Variants in CTNNA3 observed in about 807,000 individuals in gnomAD.
The protein encoded by CTNNA3 is catenin alpha-3.
A neutral mutation model predicts 95.7 loss-of-function variants in CTNNA3; 76 were observed. The observed-to-expected ratio is 0.79, with a 90% CI of 0.66 to 0.96. CTNNA3 has a LOEUF of 0.96. CTNNA3 is among the 40% of genes least tolerant of loss of function. CTNNA3 has a pLI of 0.00. For synonymous variants in CTNNA3, 431 were observed against 374.4 expected, an observed-to-expected ratio of 1.15 and a Z score of -1.74; for missense variants, 1,191 against 1,089.8, an observed-to-expected ratio of 1.09 and a Z score of -1.31.
rs1460976033 is a variant in CTNNA3, at chr10:66,845,719, A to ATAAATAAAT, written c.1048-70196_1048-70195insATTTATTTA. On this transcript the variant is annotated intron_variant, in intron 7 of 17. Coordinates refer to ENST00000433211, the MANE Select transcript of CTNNA3 (RefSeq NM_013266.4). ...ACTCTGTCTCAAAAAAAAAAAAAAA[A>ATAAATAAAT]AAAAAAAAAACTAAAAAGGTGAGAT... is the stretch of plus-strand genomic sequence containing the variant. 1.5e-4 allele frequency among the ~76,000 whole-genome samples: 11 copies of ATAAATAAAT among 73,226 alleles called. 1 individual carries two copies. Among genetic ancestry groups the ATAAATAAAT allele is most frequent in the African/African-American group, 3.3e-4 (8 of 24,080 alleles). 48.0% of individuals were successfully genotyped at this position (73,226 alleles called of 152,430 possible).
chr10:66,558,041 G>T (rs1273912666), intron 10 of CTNNA3, among the ~76,000 whole-genome samples: 1 of 152,078 alleles, frequency 6.6e-6, no homozygotes, highest in African/African-American at 2.4e-5. Flanking sequence ...CCTTGAAAAT[G>T]ACATGGTCAG....
At chr10:66,200,393 A>C (rs888058197) in intron 13 of CTNNA3, among the ~76,000 whole-genome samples, 1 of 152,202 alleles carries the variant, frequency 6.6e-6, no homozygotes, top group African/African-American at 2.4e-5. Context: ...AAGCATGAAC[A>C]AAAGTAAAAT....
intron 9 of CTNNA3, among the ~76,000 whole-genome samples, chr10:66,694,804 G>A (rs1453461458): frequency 6.6e-6 from 1 of 152,092 alleles, no homozygotes; most frequent in African/African-American, 2.4e-5. Flanking sequence ...AATAGTGGAA[G>A]AATACATTTT....
intron 13 of CTNNA3, among the ~76,000 whole-genome samples, chr10:66,110,231 G>A (rs1024094197): frequency 9.2e-5 from 14 of 151,836 alleles, no homozygotes; most frequent in East Asian, 2.0e-4. Context: ...GTGTGGTGGC[G>A]TGTGCCTGTA....
At chr10:66,212,805 A>T (rs918281085) in intron 13 of CTNNA3, among the ~76,000 whole-genome samples, 2 of 152,180 alleles carry the variant, frequency 1.3e-5, no homozygotes, top group Non-Finnish European at 2.9e-5. Context: ...GGAGTTTGAG[A>T]CCAGCCTGGC....
chr10:66,731,629 A>G (rs1848962903), intron 9 of CTNNA3, among the ~76,000 whole-genome samples: 2 of 152,326 alleles, frequency 1.3e-5, no homozygotes, highest in East Asian at 3.9e-4. Context: ...TTTGATGAGA[A>G]ATTTTTAACA....
chr10:66,271,360 G>A (rs1219119018), intron 13 of CTNNA3, among the ~76,000 whole-genome samples: 4 of 152,098 alleles, frequency 2.6e-5, no homozygotes, highest in Non-Finnish European at 5.9e-5. Context: ...TTGAAATGTA[G>A]ATATGCAGAG....
At chr10:66,059,973 C>G (rs2080162063) in intron 15 of CTNNA3, among the ~76,000 whole-genome samples, 1 of 152,080 alleles carries the variant, frequency 6.6e-6, no homozygotes, top group South Asian at 2.1e-4. Flanking sequence ...TCTTAACAGT[C>G]ATTATTTTTG....
intron 5 of CTNNA3, among the ~76,000 whole-genome samples, chr10:67,451,275 T>C (rs1249711995): frequency 6.6e-6 from 1 of 152,132 alleles, no homozygotes; most frequent in Non-Finnish European, 1.5e-5. Context: ...TAAATATGTT[T>C]TCTTTATAAA....
chr10:67,488,660 A>C (rs2133072868), intron 5 of CTNNA3, among the ~76,000 whole-genome samples: 1 of 144,022 alleles, frequency 6.9e-6, no homozygotes, highest in South Asian at 2.2e-4. Context: ...TGTGAGCCAA[A>C]GTGCCCGGCC....
chr10:66,556,449 A>G (rs1564530990), intron 10 of CTNNA3, among the ~76,000 whole-genome samples: 2 of 152,046 alleles, frequency 1.3e-5, no homozygotes, highest in South Asian at 4.1e-4. Flanking sequence ...CAGCCAAGAT[A>G]TGGAAACAAC....
At chr10:66,397,047 T>C (rs2092983734) in intron 11 of CTNNA3, among the ~76,000 whole-genome samples, 1 of 151,694 alleles carries the variant, frequency 6.6e-6, no homozygotes, top group African/African-American at 2.4e-5. Flanking sequence ...TTAAAATTCA[T>C]ATATTTATTT....
chr10:66,597,179 A>T (rs1005990754), intron 10 of CTNNA3, among the ~76,000 whole-genome samples: 14 of 151,960 alleles, frequency 9.2e-5, no homozygotes, highest in African/African-American at 3.1e-4. Flanking sequence ...GAATTATGGG[A>T]TTCCATCAAG....
At chr10:66,380,506 G>A (rs2092828968) in intron 11 of CTNNA3, among the ~76,000 whole-genome samples, 2 of 151,764 alleles carry the variant, frequency 1.3e-5, no homozygotes, top group Non-Finnish European at 2.9e-5. Flanking sequence ...TACTTGGGAG[G>A]CTGAGGTGGG....
intron 11 of CTNNA3, among the ~76,000 whole-genome samples, chr10:66,437,842 C>G (rs537664176): frequency 6.6e-6 from 1 of 152,076 alleles, no homozygotes; most frequent in Non-Finnish European, 1.5e-5. Flanking sequence ...ATTTATCTAC[C>G]TTTGGTCTTT....
At chr10:65,990,195 T>C (rs1358666199) in intron 15 of CTNNA3, among the ~76,000 whole-genome samples, 2 of 152,014 alleles carry the variant, frequency 1.3e-5, no homozygotes, top group Non-Finnish European at 1.5e-5. Context: ...AAAATAGGGG[T>C]GCAGGTATCC....
intron 11 of CTNNA3, among the ~76,000 whole-genome samples, chr10:66,494,229 A>C (rs1840029129): frequency 6.6e-6 from 1 of 152,162 alleles, no homozygotes; most frequent in South Asian, 2.1e-4. Flanking sequence ...TTATTAATGC[A>C]AAAAGTCCCT....
At chr10:66,228,794 T>C (rs570634051) in intron 13 of CTNNA3, among the ~76,000 whole-genome samples, 1 of 152,286 alleles carries the variant, frequency 6.6e-6, no homozygotes, top group East Asian at 1.9e-4. Flanking sequence ...TTCGTTCTAA[T>C]AGTATTTGCT....
intron 9 of CTNNA3, among the ~76,000 whole-genome samples, chr10:66,681,711 G>GT (rs1847073250): frequency 6.6e-6 from 1 of 152,142 alleles, no homozygotes; most frequent in African/African-American, 2.4e-5. Context: ...AAGATTGAAT[G>GT]TTTGTCAATA....
Sources: allele counts gnomAD v4.1 joint callset (sites outside exome capture counted in the v4.1 genomes callset), GRCh38; gene constraint gnomAD v4.1.1; transcripts MANE v1.5; gene names NCBI Gene and HGNC (gene_info 2026-07-23, HGNC 2026-07-21).